Variants in BCL2L1 observed in about 807,000 individuals in gnomAD.
BCL2L1 encodes the protein bcl-2-like protein 1.
A neutral mutation model predicts 18.7 loss-of-function variants in BCL2L1; 1 was observed. That is an observed-to-expected ratio of 0.05 (90% confidence interval 0.02 to 0.25). The LOEUF is 0.25. Ranked by LOEUF, BCL2L1 falls within the 10% of genes least tolerant of loss-of-function variation. The probability of loss-of-function intolerance (pLI) is 1.00; values close to 1 mark genes in which losing one functional copy is unlikely to be tolerated. For missense variants in BCL2L1, 207 were observed against 304.9 expected (o/e 0.68, Z 2.39); for synonymous variants, 103 against 122.7 (o/e 0.84, Z 1.06).
chr20:31,695,811 G>A (rs1427937278), intron 2 of BCL2L1, among the ~76,000 whole-genome samples: 3 of 152,144 alleles, frequency 2.0e-5, no homozygotes, highest in Non-Finnish European at 2.9e-5. Flanking sequence ...TATCCGCACA[G>A]CTCATGCCCT....
In BCL2L1 at chr20:31,676,036, C is replaced by T. The variant is rs192037327; in HGVS notation, c.565-9950G>A. Among the ~76,000 whole-genome samples, 110 of 152,286 alleles carry T rather than the reference C, an allele frequency of 7.2e-4. 1 individual carries two copies. The South Asian group carries it at 0.01, about 14-fold the overall frequency. ...GTGCCGGGAGGAGATAACACCTCCG[C>T]TGGGGAATCGAGAAAGCTATCAGGC... On this transcript the variant is annotated intron_variant, in intron 2 of 2. Coordinates refer to ENST00000307677, the MANE Select transcript of BCL2L1 (RefSeq NM_138578.3).
upstream of BCL2L1, chr20:31,723,572 T>C: frequency 1.0e-6 from 1 of 983,572 alleles, no homozygotes; most frequent in Non-Finnish European, 1.2e-6. Context: ...GCAACCGCCC[T>C]CCCCCGGGGG....
intron 2 of BCL2L1, among the ~76,000 whole-genome samples, chr20:31,691,944 G>A (rs1223605349): frequency 6.6e-6 from 1 of 152,202 alleles, no homozygotes; most frequent in Non-Finnish European, 1.5e-5. Flanking sequence ...ATATGCTGTT[G>A]GTGGCTGTGT....
chr20:31,721,615 A>G, intron 2 of BCL2L1, 40 bp downstream of exon 2: 1 of 1,541,308 alleles, frequency 6.5e-7, no homozygotes, highest in Non-Finnish European at 8.8e-7. Flanking sequence ...CTCTGACCAG[A>G]GGCCAAAGAA....
At chr20:31,699,467 A>G (rs1418446983) in intron 2 of BCL2L1, among the ~76,000 whole-genome samples, 2 of 152,258 alleles carry the variant, frequency 1.3e-5, no homozygotes, top group Admixed American at 6.5e-5. Flanking sequence ...AAAGGCCTAC[A>G]GTAACCCCAG....
At chr20:31,708,413 GC>G (rs2061403451) in intron 2 of BCL2L1, among the ~76,000 whole-genome samples, 1 of 152,222 alleles carries the variant, frequency 6.6e-6, no homozygotes, top group African/African-American at 2.4e-5. Flanking sequence ...GACCCAAGAA[GC>G]CTCAGAGAGG....
intron 2 of BCL2L1, among the ~76,000 whole-genome samples, chr20:31,687,082 T>A (rs1172591282): frequency 6.6e-6 from 1 of 150,936 alleles, no homozygotes; most frequent in African/African-American, 2.4e-5. Context: ...CTTTGGGAGG[T>A]CCAGGAGGGA....
chr20:31,720,219 A>C, intron 2 of BCL2L1: 2 of 926,256 alleles, frequency 2.2e-6, no homozygotes, highest in Non-Finnish European at 2.6e-6. Context: ...GAAATGCAAA[A>C]TGAGAGAGGG....
At chr20:31,668,603 CTTTTT>C (rs1234488543) in intron 2 of BCL2L1, among the ~76,000 whole-genome samples, 2 of 127,068 alleles carry the variant, frequency 1.6e-5, no homozygotes. Context: ...CATATCTGGC[CTTTTT>C]TTTTTTTTTT....
intron 2 of BCL2L1, among the ~76,000 whole-genome samples, chr20:31,695,834 A>C (rs2061158707): frequency 1.3e-5 from 2 of 152,090 alleles, no homozygotes; most frequent in African/African-American, 4.8e-5. Context: ...CTGCATTCAG[A>C]TCCAATGTCA....
chr20:31,715,271 C>CA (rs567772766), intron 2 of BCL2L1, among the ~76,000 whole-genome samples: 12,768 of 92,688 alleles, frequency 0.14, 720 homozygotes, highest in African/African-American at 0.22. Flanking sequence ...GACTCTGTCT[C>CA]AAAAAAAAAA....
intron 2 of BCL2L1, among the ~76,000 whole-genome samples, chr20:31,714,550 A>T (rs2061498749): frequency 6.6e-6 from 1 of 152,220 alleles, no homozygotes; most frequent in Non-Finnish European, 1.5e-5. Context: ...TATGCATCTC[A>T]GGTATACCTC....
intron 2 of BCL2L1, among the ~76,000 whole-genome samples, chr20:31,717,327 C>A (rs1484603671): frequency 6.6e-6 from 1 of 152,150 alleles, no homozygotes; most frequent in Non-Finnish European, 1.5e-5. Context: ...TTTCATGCAG[C>A]CCAAACAAAT....
chr20:31,681,870 C>T (rs1371806330), intron 2 of BCL2L1, among the ~76,000 whole-genome samples: 2 of 152,194 alleles, frequency 1.3e-5, no homozygotes, highest in African/African-American at 4.8e-5. Context: ...ATTTGCTCAC[C>T]AGGCCTCAAA....
chr20:31,715,570 A>T (rs2061520824), intron 2 of BCL2L1, among the ~76,000 whole-genome samples: 1 of 152,180 alleles, frequency 6.6e-6, no homozygotes. Context: ...GCTTGGCTCA[A>T]ATAAATTTAG....
intron 2 of BCL2L1, chr20:31,721,031 C>T (rs983176327): frequency 6.3e-6 from 6 of 955,364 alleles, no homozygotes; most frequent in Admixed American, 6.2e-5. Flanking sequence ...ACTTAGGGGG[C>T]GCAGTGCAAA....
chr20:31,721,004 C>T (rs1186060075), intron 2 of BCL2L1: 38 of 984,104 alleles, frequency 3.9e-5, no homozygotes, highest in Non-Finnish European at 4.5e-5. Context: ...GAAAGTCGCA[C>T]ACTTTGGGGG....
chr20:31,706,752 G>A (rs6119701), intron 2 of BCL2L1, among the ~76,000 whole-genome samples: 1 of 152,224 alleles, frequency 6.6e-6, no homozygotes, highest in African/African-American at 2.4e-5. Context: ...CACAGCTATG[G>A]CTGTGACTTT....
At chr20:31,717,901 T>C (rs1171743759) in intron 2 of BCL2L1, among the ~76,000 whole-genome samples, 2 of 152,234 alleles carry the variant, frequency 1.3e-5, no homozygotes, top group Non-Finnish European at 2.9e-5. Flanking sequence ...CCTTCCCACA[T>C]TCCCATTGGA....
Sources: gnomAD v4.1 joint callset for allele counts (sites outside exome capture counted in the v4.1 genomes callset) on GRCh38, gnomAD v4.1.1 for gene constraint, MANE v1.5 for transcripts, NCBI Gene and HGNC (gene_info 2026-07-23, HGNC 2026-07-21) for gene names.